Variants in CDH3 observed in about 807,000 individuals in gnomAD.
The protein encoded by CDH3 is cadherin-3.
Under a neutral mutation model 82.0 loss-of-function variants are expected in CDH3, and 54 were observed. The ratio of observed to expected loss-of-function variants is 0.66; its 90% confidence interval spans 0.53 to 0.83. The LOEUF (loss-of-function observed/expected upper bound fraction) is 0.83. CDH3 is among the 40% of genes least tolerant of loss of function. CDH3 has a pLI of 0.00. For missense variants in CDH3, 1,054 were observed against 1,084.6 expected, an observed-to-expected ratio of 0.97 and a Z score of 0.40; for synonymous variants, 446 against 437.9, an observed-to-expected ratio of 1.02 and a Z score of -0.23.
intron 8 of CDH3, among the ~76,000 whole-genome samples, 170 bp from the exon 9 acceptor site, chr16:68,682,132 G>A (rs1236030084): frequency 6.6e-6 from 1 of 151,512 alleles, no homozygotes; most frequent in Non-Finnish European, 1.5e-5. Context: ...TGAGGCTGCT[G>A]CTGGGGACAT....
rs566754305 is a variant in CDH3, at chr16:68,676,277, C to T, written c.161-108C>T. On this transcript the variant is annotated intron_variant, in intron 2 of 15. Coordinates refer to ENST00000264012, the MANE Select transcript of CDH3 (RefSeq NM_001793.6). ...AAGCCAAGTCTCCCTTCTGCAGCCA[C>T]TTAGCAGTCCTGGATCCAGTCAGAG... The T allele has an allele frequency of 3.1e-5, 24 of 780,810 alleles. No homozygotes were observed. In the African/African-American group the frequency reaches 3.6e-4, roughly 12 times the overall value. The allele number at this position is 780,810 out of a possible 1,614,324, so 48.4% of individuals were successfully genotyped here.
chr16:68,726,528 C>T (rs1162123596), intron 2 of CDH3, among the ~76,000 whole-genome samples: 2 of 151,844 alleles, frequency 1.3e-5, no homozygotes, highest in African/African-American at 4.8e-5. Flanking sequence ...TAAGAGACTG[C>T]AGAGGGCAGT....
intron 2 of CDH3, among the ~76,000 whole-genome samples, chr16:68,657,504 ACT>A (rs1487013836): frequency 2.0e-5 from 3 of 151,970 alleles, no homozygotes; most frequent in Non-Finnish European, 4.4e-5. Flanking sequence ...ACAGAGCAAG[ACT>A]CTGTCTCAAA....
intron 2 of CDH3, among the ~76,000 whole-genome samples, chr16:68,665,279 G>A (rs550104960): frequency 9.2e-5 from 14 of 152,094 alleles, no homozygotes; most frequent in African/African-American, 3.4e-4. Flanking sequence ...GTGGTGGCAT[G>A]TGCCTGTAGT....
At chr16:68,733,646 G>A in the CDH3 span, among the ~76,000 whole-genome samples, 3 of 152,316 alleles carry the variant, frequency 2.0e-5, no homozygotes, top group Admixed American at 6.5e-5. Flanking sequence ...GGAGGCTGAG[G>A]CACAAGAATC....
chr16:68,709,651 G>C (rs758820048), intron 1 of CDH3, among the ~76,000 whole-genome samples: 5 of 152,080 alleles, frequency 3.3e-5, no homozygotes. Context: ...TGGAGACAAG[G>C]TTTCGCCATA....
chr16:68,693,536 G>C (rs994358105), intron 13 of CDH3, among the ~76,000 whole-genome samples: 1 of 152,168 alleles, frequency 6.6e-6, no homozygotes, highest in Non-Finnish European at 1.5e-5. Flanking sequence ...AAGGACCATG[G>C]GAAGAGACTT....
At chr16:68,690,630 C>A (rs551992126) in intron 12 of CDH3, among the ~76,000 whole-genome samples, 24 of 149,698 alleles carry the variant, frequency 1.6e-4, no homozygotes, top group Non-Finnish European at 3.3e-4. Flanking sequence ...AATTGAAGGC[C>A]GGGCACCGTG....
At chr16:68,646,335 C>T (rs1960061740) in intron 2 of CDH3, among the ~76,000 whole-genome samples, 1 of 152,144 alleles carries the variant, frequency 6.6e-6, no homozygotes, top group African/African-American at 2.4e-5. Flanking sequence ...CACACCTGGG[C>T]TGGGGCCATC....
chr16:68,709,931 C>T (rs897006694), intron 1 of CDH3, among the ~76,000 whole-genome samples: 22 of 152,238 alleles, frequency 1.4e-4, no homozygotes, highest in Admixed American at 1.1e-3. Context: ...CCACCTTTGT[C>T]CCAGCCACCA....
At chr16:68,657,959 G>A (rs1047985032) in intron 2 of CDH3, among the ~76,000 whole-genome samples, 4 of 152,194 alleles carry the variant, frequency 2.6e-5, no homozygotes, top group African/African-American at 9.6e-5. Context: ...TTGATCCCCA[G>A]GAATTAACCG....
chr16:68,724,068 C>CAAA (rs55897906), intron 2 of CDH3, among the ~76,000 whole-genome samples: 1 of 112,690 alleles, frequency 8.9e-6, no homozygotes, highest in Non-Finnish European at 1.7e-5. Context: ...GACTCCGTCT[C>CAAA]AAAAAAAAAA....
intron 11 of CDH3, among the ~76,000 whole-genome samples, chr16:68,685,588 C>T (rs1365682018): frequency 6.6e-6 from 1 of 152,104 alleles, no homozygotes; most frequent in Non-Finnish European, 1.5e-5. Context: ...GGTAGATCAC[C>T]TGAGGTCGGG....
At chr16:68,681,871 G>A (rs997354277) in intron 8 of CDH3, among the ~76,000 whole-genome samples, 3 of 152,090 alleles carry the variant, frequency 2.0e-5, no homozygotes, top group South Asian at 2.1e-4. Context: ...TAAATTTTTT[G>A]TTCCGAGCAA....
chr16:68,708,607 G>GTCTT (rs1039649102), intron 1 of CDH3, among the ~76,000 whole-genome samples: 2 of 151,434 alleles, frequency 1.3e-5, no homozygotes, highest in African/African-American at 4.9e-5. Flanking sequence ...TATCTTTTCT[G>GTCTT]TCTTTCTTTC....
In CDH3 at chr16:68,695,366, G is replaced by T. The variant is rs764318240; in HGVS notation, c.2114G>T (p.Gly705Val). Residue 705 changes from glycine (G) to valine (V), a missense_variant, in exon 14 of 16, where the codon GGG becomes GTG. Gly to Val is a moderately radical substitution (Grantham distance 109, BLOSUM62 -3). Coordinates refer to ENST00000264012, the MANE Select transcript of CDH3 (RefSeq NM_001793.6). ...AACGTCTTCTACTATGGCGAAGAGG[G>T]GGGTGGCGAAGAGGACCAGGTGGGG... ...RDNVFYYGEE[G>V]GGEEDQDYDI... 5 of 1,612,802 alleles carry T rather than the reference G, an allele frequency of 3.1e-6. No individual in the cohort carries two copies. In the African/African-American group the frequency reaches 4.0e-5, roughly 13 times the overall value.
downstream of CDH3, among the ~76,000 whole-genome samples, chr16:68,700,470 G>A (rs143913980): frequency 6.6e-6 from 1 of 152,332 alleles, no homozygotes; most frequent in East Asian, 1.9e-4. Flanking sequence ...TGAGGCCAAG[G>A]AGCCTGAAGC....
At chr16:68,703,113 C>T (rs1300187071), downstream of CDH3, among the ~76,000 whole-genome samples, 1 of 152,194 alleles carries the variant, frequency 6.6e-6, no homozygotes, top group Non-Finnish European at 1.5e-5. Context: ...CATGCCTTTT[C>T]CCTCGTCACT....
chr16:68,647,588 G>A (rs1223234958), intron 2 of CDH3, among the ~76,000 whole-genome samples: 2 of 152,178 alleles, frequency 1.3e-5, no homozygotes, highest in Non-Finnish European at 2.9e-5. Flanking sequence ...TGCGCTCGGC[G>A]CACCTTGAAA....
Sources: allele counts gnomAD v4.1 joint callset (sites outside exome capture counted in the v4.1 genomes callset), GRCh38; gene constraint gnomAD v4.1.1; transcripts MANE v1.5; gene names NCBI Gene and HGNC (gene_info 2026-07-23, HGNC 2026-07-21).